Variants in PREPL observed in about 807,000 individuals in gnomAD.
PREPL encodes prolyl endopeptidase like, also known as prolyl endopeptidase-like.
A neutral mutation model predicts 70.6 loss-of-function variants in PREPL; 77 were observed. That is an observed-to-expected ratio of 1.09 (90% CI 0.91 to 1.32). The LOEUF is 1.32. Ranked by LOEUF, PREPL falls within the 40% of genes most tolerant of loss-of-function variation. The probability of loss-of-function intolerance (pLI) is 0.00; values close to 1 mark genes in which losing one functional copy is unlikely to be tolerated. For synonymous variants in PREPL, 315 were observed against 264.8 expected (o/e 1.19, Z -1.84); for missense variants, 1,002 against 778.2 (o/e 1.29, Z -3.42).
At position 44,321,272 on chromosome 2, in the gene PREPL, TTAA is replaced by T; in HGVS notation, c.*81_*83del. The T allele has an allele frequency of 8.5e-7, 1 of 1,170,782 alleles. No individual in the cohort carries two copies. The highest frequency in any genetic ancestry group is 1.4e-5 in the South Asian group (1 of 69,598). 72.5% of individuals were successfully genotyped at this position (1,170,782 alleles called of 1,614,324 possible). A position where few individuals can be genotyped will look rare whatever the true frequency, so the allele number is the denominator to read the frequency against. ...TTAATAACTTAAAAGTCTCAAGTTA[TTAA>T]TTTTTTTTTTGCTAACTCAATTGGA... On this transcript the variant is annotated 3_prime_UTR_variant, in exon 14 of 14. Transcript: ENST00000409411.
At position 44,344,559 on chromosome 2, in the gene PREPL, G is replaced by C; in HGVS notation, c.103C>G (p.Gln35Glu). The part of the protein sequence containing the change: ...EVKHGGFVYY[Q>E]EGCCLVRSKD... ...GAACGAACCAAGCAACAACCTTCTT[G>C]GTAATAAACAAAACCACCATGTTTA... Residue 35 changes from glutamine (Q) to glutamate (E), a missense_variant, in exon 3 of 14, where the codon CAA (glutamine) becomes GAA (glutamate). By Grantham distance (29) the Gln-to-Glu change is conservative. Coordinates refer to ENST00000409411, the MANE Select transcript of PREPL (RefSeq NM_001171613.2). 1 of 1,601,556 alleles carries C rather than the reference G, an allele frequency of 6.2e-7. No homozygotes were observed. The highest frequency in any genetic ancestry group is 8.5e-7 in the Non-Finnish European group (1 of 1,174,304).
At chr2:44,324,899 AC>A (rs755152411) in intron 10 of PREPL, among the ~76,000 whole-genome samples, 1 of 152,158 alleles carries the variant, frequency 6.6e-6, no homozygotes, top group African/African-American at 2.4e-5. Context: ...AAAAAACAAA[AC>A]AAAACAAAAC....
At chr2:44,355,492 T>C (rs971731122) in intron 1 of PREPL, among the ~76,000 whole-genome samples, 13 of 152,082 alleles carry the variant, frequency 8.5e-5, no homozygotes, top group African/African-American at 2.9e-4. Context: ...GAGGTTGCAG[T>C]GAGCAGAGAC....
In PREPL at chr2:44,320,643, C is replaced by A. The variant is rs777174361; in HGVS notation, c.*713G>T. Reference sequence around the variant, plus strand: ...CATACTGTATACCTCGTGTTAGGCACCTTTATGAAGAGATGAAGACACTGG... The same window carrying A: ...CATACTGTATACCTCGTGTTAGGCAACTTTATGAAGAGATGAAGACACTGG... On this transcript the variant is annotated 3_prime_UTR_variant, in exon 14 of 14. Coordinates refer to ENST00000409411, the MANE Select transcript of PREPL (RefSeq NM_001171613.2). 1 of 1,611,376 alleles carries A rather than the reference C, an allele frequency of 6.2e-7. No individual in the cohort carries two copies. The highest frequency in any genetic ancestry group is 8.5e-7 in the Non-Finnish European group (1 of 1,177,644).
At chr2:44,332,373 T>TA (rs1674203756) in intron 8 of PREPL, 86 bp downstream of exon 8, 26 of 1,186,758 alleles carry the variant, frequency 2.2e-5, no homozygotes, top group Non-Finnish European at 2.9e-5. Context: ...GAAACCGTGC[T>TA]AATGTAACTC....
chr2:44,346,572 T>C (rs1675851685), intron 1 of PREPL, among the ~76,000 whole-genome samples, 182 bp from the exon 2 acceptor site: 1 of 152,170 alleles, frequency 6.6e-6, no homozygotes, highest in African/African-American at 2.4e-5. Context: ...AATGATCTTT[T>C]TCGTTAAAAA....
At chr2:44,349,686 C>T (rs567850124) in intron 1 of PREPL, among the ~76,000 whole-genome samples, 13 of 152,022 alleles carry the variant, frequency 8.6e-5, no homozygotes, top group African/African-American at 2.9e-4. Context: ...AATACGAGGC[C>T]GGGCGCGGTG....
At chr2:44,347,132 A>C (rs1019778674) in intron 1 of PREPL, 2 of 152,010 alleles carry the variant, frequency 1.3e-5, no homozygotes, top group Non-Finnish European at 2.9e-5. Flanking sequence ...GGAGCTCAAG[A>C]CCAGCCTGGG....
intron 1 of PREPL, 112 bp from the exon 2 acceptor site, chr2:44,346,502 T>C: frequency 1.1e-6 from 1 of 927,690 alleles, no homozygotes. Flanking sequence ...AAAAAAGAAA[T>C]AAGATTAAAT....
chr2:44,359,641 T>C (rs557110237), intron 1 of PREPL: 2 of 1,613,074 alleles, frequency 1.2e-6, no homozygotes, highest in Non-Finnish European at 1.7e-6. Flanking sequence ...TCAAATGCTG[T>C]TTCTGCATGC....
At chr2:44,358,046 C>T (rs1351579395) in intron 1 of PREPL, among the ~76,000 whole-genome samples, 1 of 152,000 alleles carries the variant, frequency 6.6e-6, no homozygotes, top group Admixed American at 6.5e-5. Context: ...CACACAACAC[C>T]TAAATAGGTA....
rs1366874663 is a variant in PREPL, at chr2:44,320,493, A to C, written c.*863T>G. The C allele has an allele frequency of 1.2e-6, 2 of 1,614,168 alleles. No individual in the cohort carries two copies. Among genetic ancestry groups the C allele is most frequent in the Middle Eastern group, 3.3e-4 (2 of 6,058 alleles). ...AGGCAGTAAAGTTGATACAAGTGGC[A>C]TTTTTCTGGACAAGGGAGAGGGACT... On this transcript the variant is annotated 3_prime_UTR_variant, in exon 14 of 14. Transcript: ENST00000409411.
rs1341968537 is a variant in PREPL, at chr2:44,332,766, T to C, written c.889-110A>G. 5.9e-6 allele frequency: 5 copies of C among 848,002 alleles called. No individual in the cohort carries two copies. In the African/African-American group the frequency reaches 8.6e-5, roughly 15 times the overall value. The allele number at this position is 848,002 out of a possible 1,614,324, so 52.5% of individuals were successfully genotyped here. A position where few individuals can be genotyped will look rare whatever the true frequency, so the allele number is the denominator to read the frequency against. Reference sequence around the variant, plus strand: ...ATGATGTGGATATCTCGTTTACTTTTTGTTACCACGTCATGCCTCATTCAA... The same window carrying C: ...ATGATGTGGATATCTCGTTTACTTTCTGTTACCACGTCATGCCTCATTCAA... On this transcript the variant is annotated intron_variant, in intron 7 of 13. Transcript: ENST00000409411.
chr2:44,341,085 A>C (rs1006722591), intron 5 of PREPL, among the ~76,000 whole-genome samples: 1 of 152,056 alleles, frequency 6.6e-6, no homozygotes, highest in Non-Finnish European at 1.5e-5. Flanking sequence ...TACCCTTTGT[A>C]ATTTCTTATA....
chr2:44,342,362 T>C, intron 5 of PREPL, 55 bp downstream of exon 5: 1 of 1,474,118 alleles, frequency 6.8e-7, no homozygotes. Flanking sequence ...GTCAGTACTT[T>C]AAATAACTGG....
At position 44,342,725 on chromosome 2, in the gene PREPL, T is replaced by C. The variant is rs6752523; in HGVS notation, c.350-173A>G. ...TGTGCTGTATATAAGCCAGAGAGCT[T>C]TCCTGAGAATAAACCACTACTACAC... On this transcript the variant is annotated intron_variant, in intron 4 of 13. Coordinates refer to ENST00000409411, the MANE Select transcript of PREPL (RefSeq NM_001171613.2). 0.018 allele frequency among the ~76,000 whole-genome samples: 2,707 copies of C among 152,224 alleles called. 89 individuals carry two copies. The highest frequency in any genetic ancestry group is 0.061 in the African/African-American group (2,536 of 41,538).
chr2:44,329,003 A>C lies in PREPL; in HGVS notation c.1196T>G (p.Met399Arg), dbSNP rs1052616808. Residue 399 changes from methionine to arginine, a missense_variant, in exon 9 of 14, where the codon ATG becomes AGG. Coordinates refer to ENST00000409411, the MANE Select transcript of PREPL (RefSeq NM_001171613.2). ...GACCCGCCTCTCAGGCCTGAAATTC[A>C]TTTTCAAATCCATTCCATAAGCTCC... Reference protein sequence around the residue: ...VYGAYGMDLKMNFRPERRVLV... With the variant: ...VYGAYGMDLKRNFRPERRVLV... 5.6e-6 allele frequency: 9 copies of C among 1,613,950 alleles called. No homozygotes were observed. The highest frequency in any genetic ancestry group is 1.3e-5 in the African/African-American group (1 of 74,896).
chr2:44,357,134 A>C (rs1677134948), intron 1 of PREPL, among the ~76,000 whole-genome samples: 1 of 152,220 alleles, frequency 6.6e-6, no homozygotes, highest in South Asian at 2.1e-4. Context: ...CAGTCAGGAA[A>C]ATTAGGAGTC....
chr2:44,344,631 C>A, intron 2 of PREPL, 45 bp from the exon 3 acceptor site: 1 of 1,405,778 alleles, frequency 7.1e-7, no homozygotes. Context: ...ATTTAATTAA[C>A]CTTTTCATAG....
Sources: allele counts gnomAD v4.1 joint callset (sites outside exome capture counted in the v4.1 genomes callset), GRCh38; gene constraint gnomAD v4.1.1; transcripts MANE v1.5; gene names NCBI Gene and HGNC (gene_info 2026-07-23, HGNC 2026-07-21).